Variants in SINHCAF observed in about 807,000 individuals in gnomAD.
SINHCAF encodes SIN3-HDAC complex associated factor, also known as SIN3-HDAC complex-associated factor.
Under a neutral mutation model 25.8 loss-of-function variants are expected in SINHCAF, and 3 were observed. The ratio of observed to expected loss-of-function variants is 0.12; its 90% CI spans 0.05 to 0.30. The LOEUF (loss-of-function observed/expected upper bound fraction) is 0.30, where lower values mean the gene tolerates loss of function less well. SINHCAF is among the 10% of genes least tolerant of loss of function. The pLI is 1.00. For missense variants in SINHCAF, 121 were observed against 262.3 expected (o/e 0.46, Z 3.72); for synonymous variants, 70 against 85.5 (o/e 0.82, Z 1.00).
rs777087270 is a variant in SINHCAF at position 31,297,467 on chromosome 12, A to ATTTTTTTTTT, written c.128+600_128+609dup. 9.6e-4 allele frequency among the ~76,000 whole-genome samples: 99 copies of ATTTTTTTTTT among 103,420 alleles called. 1 individual carries two copies. The highest frequency in any genetic ancestry group is 3.4e-3 in the African/African-American group (92 of 26,682). 67.8% of individuals were successfully genotyped at this position (103,420 alleles called of 152,430 possible). On this transcript the variant is annotated intron_variant, in intron 2 of 5. Transcript: ENST00000337682. Reference sequence around the variant, plus strand: ...GAGCCACTGCACCCGGTCAAGCGTAATTTTTTTTTTTTTTTTTTTTTTTTG... The same window carrying ATTTTTTTTTT: ...GAGCCACTGCACCCGGTCAAGCGTAATTTTTTTTTTTTTTTTTTTTTTTTTTTTTTTTTTG...
chr12:31,305,848 C>A (rs533725649), intron 1 of SINHCAF, among the ~76,000 whole-genome samples: 2 of 152,152 alleles, frequency 1.3e-5, no homozygotes, highest in African/African-American at 2.4e-5. Context: ...TACAGGCGTG[C>A]GCCACGATGC....
chr12:31,321,684 A>C (rs1939698127), intron 1 of SINHCAF, among the ~76,000 whole-genome samples: 1 of 152,198 alleles, frequency 6.6e-6, no homozygotes, highest in Non-Finnish European at 1.5e-5. Flanking sequence ...TCTGAACAGC[A>C]AAACTTCGTG....
chr12:31,322,691 T>C (rs1423657589), intron 1 of SINHCAF, among the ~76,000 whole-genome samples: 1 of 152,130 alleles, frequency 6.6e-6, no homozygotes, highest in South Asian at 2.1e-4. Context: ...TGAAAAAAAA[T>C]GGATTTCAAC....
intron 1 of SINHCAF, among the ~76,000 whole-genome samples, chr12:31,305,817 A>C (rs1939001531): frequency 6.6e-6 from 1 of 150,588 alleles, no homozygotes; most frequent in African/African-American, 2.4e-5. Flanking sequence ...CTCCTGCCTC[A>C]GCCTCCTGAG....
At chr12:31,307,267 T>C (rs374847315) in intron 1 of SINHCAF, among the ~76,000 whole-genome samples, 192 of 152,308 alleles carry the variant, frequency 1.3e-3, no homozygotes, top group African/African-American at 4.5e-3. Flanking sequence ...AAATACTAAC[T>C]ACCTGGATGT....
intron 1 of SINHCAF, among the ~76,000 whole-genome samples, chr12:31,323,115 A>G (rs1222383040): frequency 6.6e-6 from 1 of 152,100 alleles, no homozygotes; most frequent in African/African-American, 2.4e-5. Context: ...AACTCCCTAA[A>G]CATTTGCTTC....
At chr12:31,308,830 T>C (rs1394128459) in intron 1 of SINHCAF, among the ~76,000 whole-genome samples, 5 of 151,922 alleles carry the variant, frequency 3.3e-5, no homozygotes, top group Non-Finnish European at 5.9e-5. Flanking sequence ...GATCCGCAAC[T>C]GAAAAATATC....
chr12:31,325,137 C>T lies in SINHCAF; in HGVS notation c.-21+887G>A, dbSNP rs1251252406. 4.4e-6 allele frequency: 2 copies of T among 456,646 alleles called. No individual in the cohort carries two copies. Among genetic ancestry groups the T allele is most frequent in the East Asian group, 6.9e-5 (1 of 14,400 alleles). 28.3% of individuals were successfully genotyped at this position (456,646 alleles called of 1,614,324 possible). On this transcript the variant is annotated intron_variant, in intron 1 of 5. Coordinates refer to ENST00000337682, the MANE Select transcript of SINHCAF (RefSeq NM_001135812.2). This position sits in a 1 kb window ranked among gnomAD's most constrained non-coding sequence, Gnocchi z 5.9. The stretch of plus-strand genomic sequence containing the variant: ...CCGCCTCCATCTCCAGCCAAGTTGG[C>T]TTCCCTGGCCATCTTACAGCGCGGA...
At chr12:31,286,515 T>C (rs916497939) in intron 5 of SINHCAF, among the ~76,000 whole-genome samples, 1 of 152,016 alleles carries the variant, frequency 6.6e-6, no homozygotes, top group Non-Finnish European at 1.5e-5. Context: ...TACAAAAATT[T>C]AGCCAGGTGT....
chr12:31,296,082 G>T (rs1376580875), intron 2 of SINHCAF, among the ~76,000 whole-genome samples: 1 of 151,868 alleles, frequency 6.6e-6, no homozygotes, highest in African/African-American at 2.4e-5. Context: ...TAAAACTCAA[G>T]ACCTAAAAGA....
At chr12:31,323,600 CT>C (rs1214365149) in intron 1 of SINHCAF, among the ~76,000 whole-genome samples, 1 of 152,136 alleles carries the variant, frequency 6.6e-6, no homozygotes, top group Admixed American at 6.5e-5. Context: ...AAGAAACTGA[CT>C]AGGGTCATAG....
At chr12:31,297,817 G>A (rs1309233689) in intron 2 of SINHCAF, among the ~76,000 whole-genome samples, 1 of 152,000 alleles carries the variant, frequency 6.6e-6, no homozygotes, top group East Asian at 1.9e-4. Context: ...AACCACAAAA[G>A]GAAGTCAACA....
At chr12:31,315,934 G>A (rs753730941) in intron 1 of SINHCAF, among the ~76,000 whole-genome samples, 4 of 152,216 alleles carry the variant, frequency 2.6e-5, no homozygotes, top group Admixed American at 1.3e-4. Context: ...GGGATGCCAA[G>A]GTGGGTGGAT....
At chr12:31,323,402 A>G (rs776765286) in intron 1 of SINHCAF, among the ~76,000 whole-genome samples, 1 of 152,158 alleles carries the variant, frequency 6.6e-6, no homozygotes, top group Non-Finnish European at 1.5e-5. Context: ...ACAAGGTCAA[A>G]TTCATTTTTA....
intron 1 of SINHCAF, among the ~76,000 whole-genome samples, chr12:31,312,939 C>T (rs185545377): frequency 6.6e-5 from 10 of 152,290 alleles, no homozygotes; most frequent in African/African-American, 1.7e-4. Context: ...TTTTACATGG[C>T]ATTAAAGGTA....
intron 1 of SINHCAF, chr12:31,312,119 A>G (rs1186370078): frequency 6.8e-6 from 3 of 438,978 alleles, no homozygotes; most frequent in African/African-American, 4.1e-5. Context: ...ATTTATCACC[A>G]TCAATTGGTT....
intron 3 of SINHCAF, 70 bp from the exon 4 acceptor site, chr12:31,294,001 C>T (rs1938446506): frequency 1.7e-5 from 22 of 1,314,578 alleles, no homozygotes; most frequent in South Asian, 3.2e-5. Flanking sequence ...GGTTCAGATC[C>T]GTGCCTATTT....
Position 31,324,108 on chromosome 12 carries a change from G to A in SINHCAF, c.-21+1916C>T. 2.2e-6 allele frequency: 1 copy of A among 453,568 alleles called. No homozygotes were observed. The highest frequency in any genetic ancestry group is 1.6e-5 in the South Asian group (1 of 64,404). 28.1% of individuals were successfully genotyped at this position (453,568 alleles called of 1,614,324 possible). A position where few individuals can be genotyped will look rare whatever the true frequency, so the allele number is the denominator to read the frequency against. ...GCTCGCCGGGGCGAGGGCGAGGGCA[G>A]CGGGAGGTGAACCGCGTCGCTCGCC... On this transcript the variant is annotated intron_variant, in intron 1 of 5. Transcript: ENST00000337682. This position sits in a 1 kb window ranked among gnomAD's most constrained non-coding sequence, Gnocchi z 5.5.
intron 1 of SINHCAF, among the ~76,000 whole-genome samples, chr12:31,316,142 C>A (rs1939487799): frequency 6.6e-6 from 1 of 151,694 alleles, no homozygotes; most frequent in Non-Finnish European, 1.5e-5. Context: ...TGCACTCCAG[C>A]CTTGGGGACA....
Sources: allele counts gnomAD v4.1 joint callset (sites outside exome capture counted in the v4.1 genomes callset), GRCh38; gene constraint gnomAD v4.1.1; non-coding constraint Gnocchi (gnomAD v3.1); transcripts MANE v1.5; gene names NCBI Gene and HGNC (gene_info 2026-07-23, HGNC 2026-07-21).